PPP3CA: variants seen among roughly 807,000 people sequenced by gnomAD.
PPP3CA encodes the protein protein phosphatase 3 catalytic subunit alpha, also known as CAM-PRP catalytic subunit.
A neutral mutation model predicts 66.5 loss-of-function variants in PPP3CA; 14 were observed. That is an observed-to-expected ratio of 0.21 (90% CI 0.14 to 0.33). The LOEUF (loss-of-function observed/expected upper bound fraction) is 0.33. Among genes scored for constraint, PPP3CA ranks in the 10% least tolerant of loss-of-function variants. The pLI, the probability that PPP3CA is intolerant of heterozygous loss-of-function variation, is 1.00. For synonymous variants in PPP3CA, 232 were observed against 226.2 expected (o/e 1.03, Z -0.23); for missense variants, 317 against 639.5 (o/e 0.50, Z 5.44).
chr4:101,222,839 C>G (rs1039759266), intron 1 of PPP3CA, among the ~76,000 whole-genome samples: 3 of 150,000 alleles, frequency 2.0e-5, no homozygotes, highest in Non-Finnish European at 4.4e-5. Flanking sequence ...CTGATGAAAG[C>G]TATGTCCTAC....
chr4:101,203,433 T>A (rs780855288), intron 1 of PPP3CA, among the ~76,000 whole-genome samples: 3 of 152,032 alleles, frequency 2.0e-5, no homozygotes, highest in African/African-American at 7.3e-5. Context: ...AGGCGGAGGC[T>A]GCAGTGAGCC....
intron 13 of PPP3CA, 53 bp downstream of exon 13, chr4:101,029,113 A>G (rs1726800965): frequency 2.6e-6 from 4 of 1,517,788 alleles, no homozygotes; most frequent in Non-Finnish European, 2.7e-6. Context: ...GAATACACCC[A>G]GCAGAGCCCT....
intron 2 of PPP3CA, among the ~76,000 whole-genome samples, chr4:101,129,419 A>C (rs1025734684): frequency 6.6e-6 from 1 of 152,156 alleles, no homozygotes; most frequent in Non-Finnish European, 1.5e-5. Context: ...TGCCTCCTCA[A>C]GTGGGTCCCT....
intron 1 of PPP3CA, among the ~76,000 whole-genome samples, chr4:101,253,313 G>C (rs963957397): frequency 6.6e-6 from 1 of 152,080 alleles, no homozygotes; most frequent in African/African-American, 2.4e-5. Flanking sequence ...GAAGCAGATG[G>C]TGAATGTTAA....
intron 1 of PPP3CA, among the ~76,000 whole-genome samples, chr4:101,285,653 G>GTT (rs1468155952): frequency 9.0e-6 from 1 of 111,606 alleles, no homozygotes; most frequent in African/African-American, 3.3e-5. Context: ...GTGTGTGTGT[G>GTT]TTTTCTAATA....
At chr4:101,192,852 A>G (rs1009401355) in intron 2 of PPP3CA, among the ~76,000 whole-genome samples, 1 of 152,182 alleles carries the variant, frequency 6.6e-6, no homozygotes, top group African/African-American at 2.4e-5. Context: ...TGGATATTCT[A>G]TGTCTCATAT....
intron 10 of PPP3CA, 144 bp downstream of exon 10, chr4:101,060,943 G>T: frequency 1.4e-6 from 1 of 736,094 alleles, no homozygotes. Context: ...AAAGTAAACA[G>T]AAAATGAAAT....
intron 2 of PPP3CA, among the ~76,000 whole-genome samples, chr4:101,139,684 G>C (rs1310855969): frequency 6.9e-6 from 1 of 143,998 alleles, no homozygotes; most frequent in Admixed American, 7.2e-5. Flanking sequence ...GACTTTTGAG[G>C]GTTTTTTTTG....
intron 8 of PPP3CA, among the ~76,000 whole-genome samples, chr4:101,075,074 TACTC>T (rs1200789369): frequency 2.0e-5 from 3 of 152,166 alleles, no homozygotes; most frequent in Non-Finnish European, 2.9e-5. Flanking sequence ...TTGTGAGACT[TACTC>T]ACTACTATGA....
chr4:101,306,938 C>T (rs1350325248), intron 1 of PPP3CA, among the ~76,000 whole-genome samples: 1 of 152,058 alleles, frequency 6.6e-6, no homozygotes, highest in Non-Finnish European at 1.5e-5. Context: ...AGGATGAGTG[C>T]TGTTTTCCTT....
intron 1 of PPP3CA, among the ~76,000 whole-genome samples, chr4:101,318,430 T>C (rs747118018): frequency 6.6e-6 from 1 of 152,174 alleles, no homozygotes; most frequent in Non-Finnish European, 1.5e-5. Context: ...ATCACAGAAG[T>C]GGTAAGCAAA....
chr4:101,216,303 T>C (rs1725451619), intron 1 of PPP3CA, among the ~76,000 whole-genome samples: 1 of 152,154 alleles, frequency 6.6e-6, no homozygotes. Flanking sequence ...ATTTGCATAA[T>C]AAATGACACT....
At chr4:101,036,676 TG>T (rs549494642) in intron 11 of PPP3CA, among the ~76,000 whole-genome samples, 317 of 152,294 alleles carry the variant, frequency 2.1e-3, no homozygotes, top group Non-Finnish European at 3.5e-3. Flanking sequence ...CCTCCCAAAG[TG>T]TTGGGATTAC....
In PPP3CA at chr4:101,081,308, A is replaced by C. The variant is rs1729429534; in HGVS notation, c.861-682T>G. ...GAGACTGTTTCTATTTTAGAATTTT[A>C]TTTATTACCAATCTCTGCTGGTGTC... is the stretch of plus-strand genomic sequence containing the variant. On this transcript the variant is annotated intron_variant, in intron 7 of 13. Transcript: ENST00000394854. Among the ~76,000 whole-genome samples the C allele has an allele frequency of 2.6e-5, 4 of 152,262 alleles. No homozygotes were observed. The South Asian group carries it at 6.2e-4, about 24-fold the overall frequency.
At chr4:101,253,745 C>T (rs955218827) in intron 1 of PPP3CA, among the ~76,000 whole-genome samples, 3 of 152,026 alleles carry the variant, frequency 2.0e-5, no homozygotes, top group Admixed American at 6.6e-5. Context: ...CCATCCTCTA[C>T]CCCACACTCA....
intron 1 of PPP3CA, among the ~76,000 whole-genome samples, chr4:101,274,321 T>C (rs78918017): frequency 0.062 from 9,366 of 152,130 alleles, 914 homozygotes; most frequent in African/African-American, 0.21. Context: ...CAAAAATAAA[T>C]AAATAAAGGA....
At chr4:101,140,212 G>T (rs190188735) in intron 2 of PPP3CA, among the ~76,000 whole-genome samples, 382 of 152,274 alleles carry the variant, frequency 2.5e-3, no homozygotes, top group Non-Finnish European at 2.7e-3. Flanking sequence ...ACACTCATTT[G>T]TCAGTTTTAA....
intron 13 of PPP3CA, among the ~76,000 whole-genome samples, 196 bp from the exon 14 acceptor site, chr4:101,026,257 C>T (rs1726645820): frequency 1.3e-5 from 2 of 152,154 alleles, no homozygotes; most frequent in African/African-American, 4.8e-5. Context: ...TGAAAACAGC[C>T]AATGTCTCTT....
intron 2 of PPP3CA, among the ~76,000 whole-genome samples, chr4:101,111,792 T>A (rs1333173156): frequency 6.6e-6 from 1 of 152,186 alleles, no homozygotes; most frequent in East Asian, 1.9e-4. Flanking sequence ...AATGTGTTAA[T>A]ATCGTAACAA....
Sources: gnomAD v4.1 joint callset for allele counts (sites outside exome capture counted in the v4.1 genomes callset) on GRCh38, gnomAD v4.1.1 for gene constraint, MANE v1.5 for transcripts, NCBI Gene and HGNC (gene_info 2026-07-23, HGNC 2026-07-21) for gene names.